MBD5: variants seen among roughly 807,000 people sequenced by gnomAD.
The protein encoded by MBD5 is methyl-CpG binding domain protein 5.
In MBD5, 13 loss-of-function variants were observed where a neutral mutation model predicts 117.3. That is an observed-to-expected ratio of 0.11 (90% CI 0.07 to 0.18). The LOEUF is 0.18. MBD5 is among the 10% of genes least tolerant of loss of function. MBD5 has a pLI of 1.00. For synonymous variants in MBD5, 727 were observed against 766.4 expected (o/e 0.95, Z 0.85); for missense variants, 1,879 against 2,093.8 (o/e 0.90, Z 2.00).
chr2:148,137,271 G>T (rs942668836), intron 1 of MBD5, among the ~76,000 whole-genome samples: 1 of 151,860 alleles, frequency 6.6e-6, no homozygotes, highest in Non-Finnish European at 1.5e-5. Flanking sequence ...AATGTTACTC[G>T]CTACAAATTT....
intron 1 of MBD5, among the ~76,000 whole-genome samples, chr2:148,064,438 G>T (rs1695129382): frequency 6.6e-6 from 1 of 151,972 alleles, no homozygotes; most frequent in South Asian, 2.1e-4. Flanking sequence ...TTTAAGTACC[G>T]CCACTACACA....
intron 3 of MBD5, among the ~76,000 whole-genome samples, chr2:148,334,609 C>T (rs891202077): frequency 5.9e-5 from 9 of 152,284 alleles, no homozygotes; most frequent in African/African-American, 2.2e-4. Flanking sequence ...ACTAGGATTA[C>T]AGACATTACC....
chr2:148,359,283 A>T (rs1004193720), intron 4 of MBD5, among the ~76,000 whole-genome samples: 3 of 141,450 alleles, frequency 2.1e-5, no homozygotes, highest in Non-Finnish European at 3.1e-5. Flanking sequence ...AAAAAAAAAA[A>T]ATTGTAGTGT....
chr2:148,322,065 T>C (rs1702296568), intron 3 of MBD5, among the ~76,000 whole-genome samples: 2 of 152,216 alleles, frequency 1.3e-5, no homozygotes, highest in Admixed American at 6.5e-5. Context: ...TACGCTAGAC[T>C]CCATAATATG....
intron 5 of MBD5, among the ~76,000 whole-genome samples, chr2:148,461,228 C>T (rs1707067738): frequency 6.6e-6 from 1 of 152,152 alleles, no homozygotes; most frequent in Non-Finnish European, 1.5e-5. Context: ...CCACTGCACT[C>T]AGCCTGACTT....
intron 4 of MBD5, among the ~76,000 whole-genome samples, chr2:148,362,783 AG>A (rs1174774743): frequency 6.6e-6 from 1 of 152,182 alleles, no homozygotes; most frequent in African/African-American, 2.4e-5. Context: ...AAGATTCCAG[AG>A]GAAGGAATAG....
At chr2:148,354,687 C>T (rs887940600) in intron 4 of MBD5, among the ~76,000 whole-genome samples, 2 of 152,222 alleles carry the variant, frequency 1.3e-5, no homozygotes, top group Admixed American at 6.5e-5. Flanking sequence ...TGAGGAATCA[C>T]CACACTGTCT....
intron 4 of MBD5, among the ~76,000 whole-genome samples, chr2:148,382,471 TA>T (rs1292980441): frequency 1.3e-5 from 2 of 152,152 alleles, no homozygotes; most frequent in Non-Finnish European, 2.9e-5. Context: ...CTTAGTGACC[TA>T]CAAAGTGACT....
intron 8 of MBD5, among the ~76,000 whole-genome samples, chr2:148,476,742 G>C (rs1680977408): frequency 1.3e-5 from 2 of 152,118 alleles, no homozygotes; most frequent in African/African-American, 2.4e-5. Flanking sequence ...GATGTGCTAG[G>C]CACTGTTTTA....
chr2:148,053,689 C>A (rs1694780211), intron 1 of MBD5, among the ~76,000 whole-genome samples: 1 of 152,014 alleles, frequency 6.6e-6, no homozygotes. Context: ...ATTTGAGATT[C>A]ATACATATGT....
At chr2:148,062,190 GATATACATACATGTATGT>G (rs962832178) in intron 1 of MBD5, 4 of 150,666 alleles carry the variant, frequency 2.7e-5, no homozygotes, top group Admixed American at 6.6e-5. Context: ...TAACCATATG[GATATACATACATGTATGT>G]ATATACATGT....
chr2:148,064,898 A>G (rs1695143555), intron 1 of MBD5, among the ~76,000 whole-genome samples: 1 of 152,124 alleles, frequency 6.6e-6, no homozygotes, highest in African/African-American at 2.4e-5. Context: ...CACTACTTTT[A>G]TATTAATGTA....
At chr2:148,360,205 TC>T (rs1253252012) in intron 4 of MBD5, among the ~76,000 whole-genome samples, 2 of 152,298 alleles carry the variant, frequency 1.3e-5, no homozygotes, top group Middle Eastern at 3.4e-3. Context: ...GATTATAATT[TC>T]AAATATCATT....
chr2:148,442,530 A>G (rs1406650581), intron 4 of MBD5, among the ~76,000 whole-genome samples: 2 of 151,396 alleles, frequency 1.3e-5, no homozygotes. Flanking sequence ...ATAAATACTA[A>G]GGAGAAATAA....
intron 1 of MBD5, among the ~76,000 whole-genome samples, chr2:148,076,605 T>C (rs1182688040): frequency 1.3e-5 from 2 of 152,206 alleles, no homozygotes; most frequent in African/African-American, 4.8e-5. Context: ...GTGAAGTTAG[T>C]CTTCTAGGTG....
intron 3 of MBD5, among the ~76,000 whole-genome samples, chr2:148,335,021 T>A (rs1311362790): frequency 6.6e-6 from 1 of 152,192 alleles, no homozygotes; most frequent in Non-Finnish European, 1.5e-5. Flanking sequence ...TAGTCATATA[T>A]TATTTAATAT....
intron 1 of MBD5, among the ~76,000 whole-genome samples, chr2:148,147,221 T>C (rs1223869375): frequency 1.3e-5 from 2 of 151,874 alleles, no homozygotes; most frequent in Admixed American, 1.3e-4. Flanking sequence ...CTGAACATTT[T>C]ATTTATTTAT....
chr2:148,479,330 C>T (rs1423607570), intron 8 of MBD5, among the ~76,000 whole-genome samples: 1 of 152,180 alleles, frequency 6.6e-6, no homozygotes, highest in Admixed American at 6.5e-5. Context: ...TTCATTTTCA[C>T]TTTCTCCACA....
intron 3 of MBD5, chr2:148,264,053 G>A (rs1700794936): frequency 6.6e-6 from 1 of 152,148 alleles, no homozygotes; most frequent in African/African-American, 2.4e-5. Context: ...TCAAGATAAT[G>A]GAGATATATA....
Sources: allele counts gnomAD v4.1 joint callset (sites outside exome capture counted in the v4.1 genomes callset), GRCh38; gene constraint gnomAD v4.1.1; transcripts MANE v1.5; gene names NCBI Gene and HGNC (gene_info 2026-07-23, HGNC 2026-07-21).